ATP8A2: variants seen among roughly 807,000 people sequenced by gnomAD.
The protein encoded by ATP8A2 is ATPase phospholipid transporting 8A2.
A neutral mutation model predicts 165.6 loss-of-function variants in ATP8A2; 100 were observed. The observed-to-expected ratio is 0.60, with a 90% CI of 0.51 to 0.71. The LOEUF (loss-of-function observed/expected upper bound fraction) is 0.71. ATP8A2 is among the 30% of genes least tolerant of loss of function. The pLI is 0.00. For missense variants in ATP8A2, 1,227 were observed against 1,479.5 expected (o/e 0.83, Z 2.80); for synonymous variants, 543 against 548.8 (o/e 0.99, Z 0.15).
rs148507165 is a variant in ATP8A2, at chr13:25,933,526, A to T, written c.3184-28049A>T. ...TGCTTAGCACAATGCCTGGCTCAGG[A>T]TGAGTGTTGAGTAAATGACAGCAGT... On this transcript the variant is annotated intron_variant, in intron 33 of 36. Coordinates refer to ENST00000381655, the MANE Select transcript of ATP8A2 (RefSeq NM_016529.6). Among the ~76,000 whole-genome samples, 48 of 152,218 alleles carry T rather than the reference A, an allele frequency of 3.2e-4. No individual in the cohort carries two copies. The East Asian group carries it at 7.9e-3, about 25-fold the overall frequency.
chr13:25,399,645 G>T (rs9319220), intron 1 of ATP8A2, among the ~76,000 whole-genome samples: 120,258 of 143,434 alleles, frequency 0.84, 50,636 homozygotes, highest in East Asian at 0.96. Context: ...CTCGTGATCC[G>T]CCCGCCTCGG....
At chr13:25,443,325 T>G (rs2034983435) in intron 1 of ATP8A2, among the ~76,000 whole-genome samples, 1 of 152,232 alleles carries the variant, frequency 6.6e-6, no homozygotes, top group African/African-American at 2.4e-5. Flanking sequence ...GAAGAAGTAT[T>G]GCCATCTCCT....
chr13:25,603,013 C>T (rs948259967), intron 24 of ATP8A2, among the ~76,000 whole-genome samples: 4 of 151,588 alleles, frequency 2.6e-5, no homozygotes, highest in East Asian at 2.0e-4. Context: ...TGAAGGTTGC[C>T]GTGAGCCGAG....
intron 24 of ATP8A2, among the ~76,000 whole-genome samples, chr13:25,668,851 G>C (rs1161157091): frequency 2.0e-5 from 3 of 151,968 alleles, no homozygotes; most frequent in Non-Finnish European, 4.4e-5. Context: ...TTTTACTTCA[G>C]TTAAACTTTT....
chr13:25,994,920 T>G (rs1039192093), intron 35 of ATP8A2, among the ~76,000 whole-genome samples: 1 of 152,094 alleles, frequency 6.6e-6, no homozygotes, highest in African/African-American at 2.4e-5. Context: ...TTTTCTGTTT[T>G]CTGGAAGAGA....
intron 24 of ATP8A2, among the ~76,000 whole-genome samples, chr13:25,624,757 A>G (rs2041060196): frequency 6.6e-6 from 1 of 152,218 alleles, no homozygotes; most frequent in African/African-American, 2.4e-5. Context: ...AGCTGCTTTC[A>G]GAAAAATAGT....
intron 27 of ATP8A2, among the ~76,000 whole-genome samples, chr13:25,826,996 G>C (rs566190091): frequency 1.3e-4 from 20 of 151,760 alleles, no homozygotes; most frequent in African/African-American, 4.8e-4. Flanking sequence ...CTGTCCTCCC[G>C]GTGGCTCGGC....
intron 27 of ATP8A2, 44 bp downstream of exon 27, chr13:25,775,003 A>G: frequency 8.9e-7 from 1 of 1,122,430 alleles, no homozygotes; most frequent in Non-Finnish European, 1.3e-6. Context: ...AGTTCTTTTA[A>G]GAGGATATCT....
At chr13:25,499,911 C>T (rs987243440) in intron 2 of ATP8A2, among the ~76,000 whole-genome samples, 5 of 151,948 alleles carry the variant, frequency 3.3e-5, no homozygotes, top group South Asian at 2.1e-4. Flanking sequence ...GTGTGAGAAA[C>T]GGGAGGTAGA....
At position 25,579,719 on chromosome 13, in the gene ATP8A2, T is replaced by C. The variant is rs960200184; in HGVS notation, c.1868-89T>C. ...AAGCACAGAGTCTCTTCAATTTTTTTGGGCATGCTGATGGAAAAGGGAGCA... is the reference window on the plus strand; with the variant it reads ...AAGCACAGAGTCTCTTCAATTTTTTCGGGCATGCTGATGGAAAAGGGAGCA... On this transcript the variant is annotated intron_variant, in intron 21 of 36. Coordinates refer to ENST00000381655, the MANE Select transcript of ATP8A2 (RefSeq NM_016529.6). The C allele has an allele frequency of 8.8e-6, 13 of 1,476,802 alleles. No homozygotes were observed. The Admixed American group carries it at 9.0e-5, about 10-fold the overall frequency. The allele number at this position is 1,476,802 out of a possible 1,614,324, so 91.5% of individuals were successfully genotyped here.
intron 24 of ATP8A2, among the ~76,000 whole-genome samples, chr13:25,626,632 T>C (rs1490829517): frequency 6.6e-6 from 1 of 152,086 alleles, no homozygotes; most frequent in African/African-American, 2.4e-5. Flanking sequence ...ATAAGTACAT[T>C]GAAAGATAAG....
At chr13:25,759,538 A>T (rs1349189184) in intron 25 of ATP8A2, among the ~76,000 whole-genome samples, 3 of 152,176 alleles carry the variant, frequency 2.0e-5, no homozygotes, top group African/African-American at 7.2e-5. Context: ...GTTAACTTTG[A>T]GGAAGCCAGA....
chr13:25,780,853 G>A (rs796881804), intron 27 of ATP8A2, among the ~76,000 whole-genome samples: 7 of 152,218 alleles, frequency 4.6e-5, no homozygotes, highest in South Asian at 2.1e-4. Flanking sequence ...CTAGCCCTCC[G>A]CTCACCTCCT....
chr13:25,533,350 G>A, intron 6 of ATP8A2, 37 bp downstream of exon 6: 1 of 1,174,174 alleles, frequency 8.5e-7, no homozygotes, highest in Non-Finnish European at 1.3e-6. Context: ...AGTACTATTG[G>A]TTTGAAGACG....
intron 1 of ATP8A2, among the ~76,000 whole-genome samples, chr13:25,467,239 G>A (rs1593349789): frequency 6.6e-6 from 1 of 152,226 alleles, no homozygotes; most frequent in African/African-American, 2.4e-5. Context: ...GAGGAAAACT[G>A]GAGTGTGCCT....
At chr13:25,567,508 C>T (rs532911468) in intron 16 of ATP8A2, among the ~76,000 whole-genome samples, 6 of 152,286 alleles carry the variant, frequency 3.9e-5, no homozygotes, top group African/African-American at 1.4e-4. Context: ...ACAGGTGCAA[C>T]CCCTGTGAAA....
chr13:25,440,247 C>G (rs925453408), intron 1 of ATP8A2, among the ~76,000 whole-genome samples: 1 of 152,058 alleles, frequency 6.6e-6, no homozygotes, highest in Non-Finnish European at 1.5e-5. Flanking sequence ...AGTAAGCAAG[C>G]CAAGGAGAGG....
At chr13:25,502,597 G>A (rs140344578) in intron 2 of ATP8A2, among the ~76,000 whole-genome samples, 227 of 152,332 alleles carry the variant, frequency 1.5e-3, no homozygotes, top group Middle Eastern at 6.8e-3. Flanking sequence ...AACTTTTTAA[G>A]CTGCTAATAG....
chr13:25,524,778 A>T (rs959906765), intron 2 of ATP8A2, among the ~76,000 whole-genome samples: 27 of 151,936 alleles, frequency 1.8e-4, no homozygotes, highest in African/African-American at 5.1e-4. Context: ...CCATTCAGCT[A>T]TATATATCTT....
Sources: gnomAD v4.1 joint callset for allele counts (sites outside exome capture counted in the v4.1 genomes callset) on GRCh38, gnomAD v4.1.1 for gene constraint, MANE v1.5 for transcripts, NCBI Gene and HGNC (gene_info 2026-07-23, HGNC 2026-07-21) for gene names.